FAM135B: variants seen among roughly 807,000 people sequenced by gnomAD.
The protein encoded by FAM135B is family with sequence similarity 135 member B.
In FAM135B, 43 loss-of-function variants were observed where a neutral mutation model predicts 127.7. That is an observed-to-expected ratio of 0.34 (90% CI 0.26 to 0.43). The LOEUF is 0.43. Ranked by LOEUF, FAM135B falls within the 20% of genes least tolerant of loss-of-function variation. The pLI is 1.00. For synonymous variants in FAM135B, 670 were observed against 665.1 expected (o/e 1.01, Z -0.11); for missense variants, 1,558 against 1,725.6 (o/e 0.90, Z 1.72).
intron 3 of FAM135B, among the ~76,000 whole-genome samples, chr8:138,293,232 C>A (rs1297753933): frequency 6.6e-6 from 1 of 152,140 alleles, no homozygotes; most frequent in Non-Finnish European, 1.5e-5. Flanking sequence ...TTATCTCTCA[C>A]CTTATACAAA....
chr8:138,398,191 G>C (rs1832953016), intron 1 of FAM135B, among the ~76,000 whole-genome samples: 1 of 152,146 alleles, frequency 6.6e-6, no homozygotes, highest in Non-Finnish European at 1.5e-5. Context: ...GCACCCATCA[G>C]AGCCCAGAGG....
At chr8:138,189,942 T>C (rs1418500772) in intron 9 of FAM135B, among the ~76,000 whole-genome samples, 2 of 152,162 alleles carry the variant, frequency 1.3e-5, no homozygotes, top group African/African-American at 4.8e-5. Flanking sequence ...CAACATCTTT[T>C]CCCAAATACC....
intron 2 of FAM135B, among the ~76,000 whole-genome samples, chr8:138,366,658 TTAAG>T (rs1830758833): frequency 6.6e-6 from 1 of 152,212 alleles, no homozygotes; most frequent in Middle Eastern, 3.2e-3. Context: ...AATTTCATCC[TTAAG>T]TAAGTAGGGG....
At chr8:138,169,870 C>G (rs987946793) in intron 11 of FAM135B, among the ~76,000 whole-genome samples, 1 of 152,196 alleles carries the variant, frequency 6.6e-6, no homozygotes, top group Non-Finnish European at 1.5e-5. Flanking sequence ...AGGCTGTGAT[C>G]TAGGGAAATG....
At chr8:138,443,962 C>A (rs1014211158) in intron 1 of FAM135B, among the ~76,000 whole-genome samples, 7 of 151,978 alleles carry the variant, frequency 4.6e-5, no homozygotes, top group Non-Finnish European at 8.8e-5. Context: ...GGAAGATCTA[C>A]CAAGCAAATG....
intron 7 of FAM135B, among the ~76,000 whole-genome samples, chr8:138,229,301 T>C (rs1287589213): frequency 6.6e-6 from 1 of 152,156 alleles, no homozygotes; most frequent in East Asian, 1.9e-4. Context: ...GGGCGTGGCA[T>C]TGGACACCTT....
At chr8:138,326,434 G>A (rs1827800374) in intron 2 of FAM135B, among the ~76,000 whole-genome samples, 1 of 152,148 alleles carries the variant, frequency 6.6e-6, no homozygotes, top group East Asian at 1.9e-4. Context: ...GATTAAATGA[G>A]CTTGGTTAAA....
chr8:138,385,415 A>G (rs1313906114), intron 1 of FAM135B, among the ~76,000 whole-genome samples: 2 of 152,160 alleles, frequency 1.3e-5, no homozygotes, highest in Non-Finnish European at 2.9e-5. Flanking sequence ...ACCCCCACAC[A>G]GCACTCCATA....
At chr8:138,488,517 A>G (rs555996456) in intron 1 of FAM135B, among the ~76,000 whole-genome samples, 3 of 152,220 alleles carry the variant, frequency 2.0e-5, no homozygotes, top group African/African-American at 7.2e-5. Flanking sequence ...GAGGGGACTT[A>G]GGTGAGGAAA....
intron 3 of FAM135B, among the ~76,000 whole-genome samples, chr8:138,282,727 A>T (rs1329168755): frequency 6.6e-6 from 1 of 152,194 alleles, no homozygotes; most frequent in South Asian, 2.1e-4. Flanking sequence ...CATTCACGAC[A>T]TGTGGGAACG....
intron 2 of FAM135B, among the ~76,000 whole-genome samples, chr8:138,340,310 A>G (rs1828954705): frequency 6.6e-6 from 1 of 152,140 alleles, no homozygotes; most frequent in African/African-American, 2.4e-5. Context: ...AAGAAATAGA[A>G]CAGGAAACGA....
In FAM135B at chr8:138,220,568, T is replaced by C. The variant is rs547807976; in HGVS notation, c.669+22374A>G. On this transcript the variant is annotated intron_variant, in intron 7 of 19. Transcript: ENST00000395297. The stretch of plus-strand genomic sequence containing the variant: ...TAGGTGGACACTTCATTTAAATGAG[T>C]AAATAAATGCAAAGAGCCTAGAAGC... Among the ~76,000 whole-genome samples, 5 of 152,156 alleles carry C rather than the reference T, an allele frequency of 3.3e-5. No homozygotes were observed. The South Asian group carries it at 8.3e-4, about 25-fold the overall frequency.
At position 138,197,486 on chromosome 8, in the gene FAM135B, G is replaced by T. The variant is rs201265271; in HGVS notation, c.823+30C>A. On this transcript the variant is annotated intron_variant, in intron 8 of 19. Transcript: ENST00000395297. ...GTGGAGGAGGCACATGAGCTGCTGG[G>T]ATGGGCTTGCCCCTGTCCTGGGCCC... 9.4e-6 allele frequency: 15 copies of T among 1,599,760 alleles called. No individual in the cohort carries two copies. In the Admixed American group the frequency reaches 1.5e-4, roughly 16 times the overall value.
intron 3 of FAM135B, among the ~76,000 whole-genome samples, 177 bp from the exon 4 acceptor site, chr8:138,266,019 C>A (rs369392020): frequency 6.6e-6 from 1 of 152,144 alleles, no homozygotes; most frequent in Non-Finnish European, 1.5e-5. Context: ...TTTATTGAGT[C>A]AGGCTGGTAT....
At chr8:138,196,282 G>A (rs956072856) in intron 8 of FAM135B, among the ~76,000 whole-genome samples, 1 of 152,250 alleles carries the variant, frequency 6.6e-6, no homozygotes, top group South Asian at 2.1e-4. Context: ...TTCTGTGCAG[G>A]TCATTCCTGC....
intron 1 of FAM135B, among the ~76,000 whole-genome samples, chr8:138,384,322 G>A (rs1832049070): frequency 6.6e-6 from 1 of 151,960 alleles, no homozygotes. Flanking sequence ...GTTGCCTAGT[G>A]GTAACCTAGG....
At chr8:138,147,735 C>T (rs1817770097) in intron 14 of FAM135B, among the ~76,000 whole-genome samples, 1 of 152,066 alleles carries the variant, frequency 6.6e-6, no homozygotes, top group Admixed American at 6.5e-5. Flanking sequence ...AGGGGTGAAG[C>T]AGCTCTATCT....
At chr8:138,332,756 A>G (rs1402462378) in intron 2 of FAM135B, among the ~76,000 whole-genome samples, 1 of 152,114 alleles carries the variant, frequency 6.6e-6, no homozygotes, top group Non-Finnish European at 1.5e-5. Flanking sequence ...TTTTGACATG[A>G]GTCCTAACGC....
intron 2 of FAM135B, among the ~76,000 whole-genome samples, chr8:138,338,617 C>A (rs1468355516): frequency 1.3e-5 from 2 of 150,860 alleles, no homozygotes; most frequent in African/African-American, 4.9e-5. Context: ...ACAACAGGTG[C>A]TGGAGAGGAT....
Sources: allele counts gnomAD v4.1 joint callset (sites outside exome capture counted in the v4.1 genomes callset), GRCh38; gene constraint gnomAD v4.1.1; transcripts MANE v1.5; gene names NCBI Gene and HGNC (gene_info 2026-07-23, HGNC 2026-07-21).